WWOX: variants seen among roughly 807,000 people sequenced by gnomAD.
The protein encoded by WWOX is WW domain containing oxidoreductase.
In WWOX, 69 loss-of-function variants were observed where a neutral mutation model predicts 46.2. That is an observed-to-expected ratio of 1.49 (90% CI 1.23 to 1.82). WWOX has a LOEUF of 1.82. WWOX is among the 40% of genes most tolerant of loss of function. WWOX has a pLI of 0.00. For synonymous variants in WWOX, 359 were observed against 202.6 expected (o/e 1.77, Z -6.56); for missense variants, 919 against 542.6 (o/e 1.69, Z -6.89).
chr16:78,904,072 C>G (rs1354909441), intron 8 of WWOX, among the ~76,000 whole-genome samples: 1 of 152,072 alleles, frequency 6.6e-6, no homozygotes, highest in African/African-American at 2.4e-5. Context: ...ACACCACGTA[C>G]AAAAGGGATC....
chr16:79,182,525 G>T (rs1237447041), intron 8 of WWOX, among the ~76,000 whole-genome samples: 1 of 152,016 alleles, frequency 6.6e-6, no homozygotes, highest in Non-Finnish European at 1.5e-5. Flanking sequence ...CAGAAGGAGG[G>T]AAAGTAATTA....
At chr16:79,105,929 T>C (rs1375050309) in intron 8 of WWOX, 1 of 152,212 alleles carries the variant, frequency 6.6e-6, no homozygotes, top group African/African-American at 2.4e-5. Context: ...CTTCTTGGCC[T>C]CCCGAAGTGT....
chr16:78,435,015 T>A (rs949225447), intron 8 of WWOX, among the ~76,000 whole-genome samples: 1 of 152,216 alleles, frequency 6.6e-6, no homozygotes, highest in African/African-American at 2.4e-5. Context: ...AAAGTCAGAC[T>A]TGAAAGTTGG....
At chr16:78,979,892 G>A (rs764419391) in intron 8 of WWOX, among the ~76,000 whole-genome samples, 1 of 152,164 alleles carries the variant, frequency 6.6e-6, no homozygotes, top group Non-Finnish European at 1.5e-5. Flanking sequence ...ACTTTGGGAG[G>A]CCAAGGTGGG....
intron 8 of WWOX, among the ~76,000 whole-genome samples, chr16:78,744,325 A>C: frequency 6.7e-6 from 1 of 149,106 alleles, no homozygotes; most frequent in African/African-American, 2.5e-5. Flanking sequence ...GTGACGTTTC[A>C]TTTTTATTTG....
At chr16:79,136,903 G>T (rs2049992025) in intron 8 of WWOX, among the ~76,000 whole-genome samples, 1 of 152,188 alleles carries the variant, frequency 6.6e-6, no homozygotes, top group African/African-American at 2.4e-5. Flanking sequence ...TGTCCAACCT[G>T]CAGGAGGCAG....
intron 8 of WWOX, among the ~76,000 whole-genome samples, chr16:78,494,690 A>G (rs2084867363): frequency 1.3e-5 from 2 of 152,154 alleles, no homozygotes; most frequent in Admixed American, 1.3e-4. Context: ...CATATCAGTC[A>G]TTTTTTGAGG....
At position 78,347,383 on chromosome 16, in the gene WWOX, C is replaced by A. The variant is rs1438789268; in HGVS notation, c.517-39477C>A. 1.2e-4 allele frequency among the ~76,000 whole-genome samples: 14 copies of A among 118,108 alleles called. 4 individuals are homozygous for A. Among genetic ancestry groups the A allele is most frequent in the Non-Finnish European group, 1.2e-4 (6 of 49,794 alleles). 77.5% of individuals were successfully genotyped at this position (118,108 alleles called of 152,430 possible). A position where few individuals can be genotyped will look rare whatever the true frequency, so the allele number is the denominator to read the frequency against. ...CATATGTCTAGTTCCAAGTATCTGT[C>A]CATGGTGTTGGTCCCAGGTTATTCG... On this transcript the variant is annotated intron_variant, in intron 5 of 8. Transcript: ENST00000566780.
At chr16:78,267,532 CT>C (rs1346208148) in intron 5 of WWOX, among the ~76,000 whole-genome samples, 1 of 152,224 alleles carries the variant, frequency 6.6e-6, no homozygotes, top group Non-Finnish European at 1.5e-5. Context: ...TGTATCTGTC[CT>C]TCCCTCTTGC....
At chr16:78,580,338 T>C (rs1363650360) in intron 8 of WWOX, among the ~76,000 whole-genome samples, 1 of 152,170 alleles carries the variant, frequency 6.6e-6, no homozygotes, top group East Asian at 1.9e-4. Flanking sequence ...CCTCCCAAAG[T>C]ATTGGAATAT....
chr16:78,208,685 A>G (rs1055557122), intron 5 of WWOX, among the ~76,000 whole-genome samples: 3 of 152,228 alleles, frequency 2.0e-5, no homozygotes, highest in African/African-American at 4.8e-5. Flanking sequence ...TGTAGCCAAT[A>G]AAAGCATAAT....
chr16:78,879,835 T>A (rs2044306958), intron 8 of WWOX, among the ~76,000 whole-genome samples: 1 of 151,152 alleles, frequency 6.6e-6, no homozygotes, highest in Non-Finnish European at 1.5e-5. Flanking sequence ...TGAGATCATG[T>A]CATTGTACTC....
At chr16:78,984,039 G>A (rs978472396) in intron 8 of WWOX, among the ~76,000 whole-genome samples, 4 of 150,694 alleles carry the variant, frequency 2.7e-5, no homozygotes, top group Middle Eastern at 3.4e-3. Context: ...CACCATGCCC[G>A]GCTATTTTTT....
chr16:78,956,883 C>A (rs534865086), intron 8 of WWOX, among the ~76,000 whole-genome samples: 1 of 152,288 alleles, frequency 6.6e-6, no homozygotes, highest in African/African-American at 2.4e-5. Context: ...GCTTGAGCCA[C>A]TCAAAATTCT....
At chr16:78,634,812 G>GA (rs2046525453) in intron 8 of WWOX, among the ~76,000 whole-genome samples, 1 of 74,014 alleles carries the variant, frequency 1.4e-5, no homozygotes, top group Non-Finnish European at 2.9e-5. Context: ...CACCCGACTG[G>GA]AGAGAGAGAG....
At position 79,017,396 on chromosome 16, in the gene WWOX, C is replaced by T. The variant is rs769227037; in HGVS notation, c.1057-194212C>T. ...AGTGAACCGTGATCGCTTCACTGCA[C>T]TCCAGCCTGGGCAACAGAGCGAGAA... On this transcript the variant is annotated intron_variant, in intron 8 of 8. Transcript: ENST00000566780. 3.3e-5 allele frequency: 4 copies of T among 119,416 alleles called. No homozygotes were observed. The Admixed American group carries it at 4.5e-4, about 14-fold the overall frequency. The allele number at this position is 119,416 out of a possible 1,614,324, so 7.4% of individuals were successfully genotyped here. A position where few individuals can be genotyped will look rare whatever the true frequency, so the allele number is the denominator to read the frequency against.
rs1409131249 is a variant in WWOX, at chr16:79,031,278, G to A, written c.1057-180330G>A. Among the ~76,000 whole-genome samples, 10 of 152,120 alleles carry A rather than the reference G, an allele frequency of 6.6e-5. No individual in the cohort carries two copies. In the South Asian group the frequency reaches 1.0e-3, roughly 16 times the overall value. ...CCACGTGTGGGGTGCTGAGAGGTAC[G>A]TGGTGGGTGACTCCCTGGGGAGCAC... On this transcript the variant is annotated intron_variant, in intron 8 of 8. Transcript: ENST00000566780.
At chr16:78,459,599 T>A (rs1242841401) in intron 8 of WWOX, among the ~76,000 whole-genome samples, 5 of 152,216 alleles carry the variant, frequency 3.3e-5, no homozygotes, top group Non-Finnish European at 7.3e-5. Flanking sequence ...AATGGCTTTT[T>A]ATGAGGCAAA....
intron 8 of WWOX, chr16:78,873,107 C>T (rs1012624260): frequency 4.6e-5 from 7 of 152,174 alleles, no homozygotes; most frequent in African/African-American, 1.7e-4. Flanking sequence ...CAGAGGCCTT[C>T]TTTAAATGCT....
Sources: allele counts gnomAD v4.1 joint callset (sites outside exome capture counted in the v4.1 genomes callset), GRCh38; gene constraint gnomAD v4.1.1; transcripts MANE v1.5; gene names NCBI Gene and HGNC (gene_info 2026-07-23, HGNC 2026-07-21).